FYB1: variants seen among roughly 807,000 people sequenced by gnomAD.
The protein encoded by FYB1 is FYN binding protein 1.
FYB1 carries 41 observed loss-of-function variants against 94.1 expected under a neutral mutation model. The ratio of observed to expected loss-of-function variants is 0.44; its 90% CI spans 0.34 to 0.57. The LOEUF (loss-of-function observed/expected upper bound fraction) is 0.57, where lower values mean the gene tolerates loss of function less well. Ranked by LOEUF, FYB1 falls within the 20% of genes least tolerant of loss-of-function variation. The pLI is 0.02. For synonymous variants in FYB1, 367 were observed against 353.2 expected (o/e 1.04, Z -0.44); for missense variants, 1,050 against 976.8 (o/e 1.07, Z -1.00).
rs10528848 is a variant in FYB1, at chr5:39,148,155, T to TTATATA, written c.1292+5287_1292+5292dup. Among the ~76,000 whole-genome samples the TTATATA allele has an allele frequency of 5.7e-3, 215 of 37,476 alleles. 2 individuals carry two copies. Among genetic ancestry groups the TTATATA allele is most frequent in the East Asian group, 6.6e-3 (4 of 604 alleles). 24.6% of individuals were successfully genotyped at this position (37,476 alleles called of 152,430 possible). The stretch of plus-strand genomic sequence containing the variant: ...ATTATATGTATATTATATGTATTTT[T>TTATATA]TATATATATATATATATATATATAT... On this transcript the variant is annotated intron_variant, in intron 3 of 18. Transcript: ENST00000512982.
intron 2 of FYB1, among the ~76,000 whole-genome samples, chr5:39,155,154 A>C (rs1743633623): frequency 1.3e-5 from 2 of 152,240 alleles, no homozygotes. Flanking sequence ...GGGTAATGCC[A>C]AGGTTTTACA....
At chr5:39,124,118 G>C in intron 13 of FYB1, 135 bp downstream of exon 13, 1 of 641,560 alleles carries the variant, frequency 1.6e-6, no homozygotes, top group Non-Finnish European at 2.7e-6. Context: ...CCAAGGTAAA[G>C]TTACTTGCTC....
At chr5:39,169,453 T>A in intron 2 of FYB1, 1 of 723,482 alleles carries the variant, frequency 1.4e-6, no homozygotes, top group Non-Finnish European at 2.6e-6. Flanking sequence ...CACAGAAGAG[T>A]GCCTTCACCA....
At chr5:39,194,390 G>A (rs1392107012) in intron 2 of FYB1, among the ~76,000 whole-genome samples, 1 of 152,050 alleles carries the variant, frequency 6.6e-6, no homozygotes, top group African/African-American at 2.4e-5. Context: ...GCTGGACGTG[G>A]TAATATGTGC....
intron 1 of FYB1, among the ~76,000 whole-genome samples, chr5:39,266,881 G>A (rs1398351851): frequency 2.0e-5 from 3 of 152,146 alleles, no homozygotes; most frequent in Non-Finnish European, 4.4e-5. Context: ...GCCTGAGAAT[G>A]GACCTGGCAC....
chr5:39,156,909 A>C (rs777188106), intron 2 of FYB1, among the ~76,000 whole-genome samples: 1 of 152,210 alleles, frequency 6.6e-6, no homozygotes, highest in Non-Finnish European at 1.5e-5. Flanking sequence ...ATATTGAACT[A>C]TAGTAAAATG....
At chr5:39,181,959 C>G (rs552507128) in intron 2 of FYB1, among the ~76,000 whole-genome samples, 1 of 152,106 alleles carries the variant, frequency 6.6e-6, no homozygotes, top group Non-Finnish European at 1.5e-5. Flanking sequence ...CTAACTAGAG[C>G]TGGATTGCTG....
chr5:39,149,697 TC>T (rs1402292227), intron 3 of FYB1, among the ~76,000 whole-genome samples: 4 of 152,120 alleles, frequency 2.6e-5, no homozygotes, highest in Admixed American at 2.6e-4. Context: ...TCCACAGTCC[TC>T]ACTTTTTGGC....
intron 12 of FYB1, 89 bp from the exon 13 acceptor site, chr5:39,124,367 A>G: frequency 1.3e-6 from 1 of 764,088 alleles, no homozygotes; most frequent in Non-Finnish European, 2.0e-6. Flanking sequence ...AAGGGGCAAT[A>G]GCCTAGAGGC....
intron 12 of FYB1, among the ~76,000 whole-genome samples, chr5:39,125,006 T>C (rs2150294443): frequency 6.7e-6 from 1 of 149,380 alleles, no homozygotes. Flanking sequence ...CAGAAATGAC[T>C]GGTTAGAATA....
chr5:39,118,846 A>T, intron 16 of FYB1, 28 bp downstream of exon 16: 12 of 1,364,638 alleles, frequency 8.8e-6, no homozygotes, highest in Non-Finnish European at 1.2e-5. Flanking sequence ...ATATATATGC[A>T]CATATTATAG....
At chr5:39,172,826 T>C (rs1404911553) in intron 2 of FYB1, among the ~76,000 whole-genome samples, 1 of 152,242 alleles carries the variant, frequency 6.6e-6, no homozygotes, top group African/African-American at 2.4e-5. Context: ...ATATATACCA[T>C]ATTTTCTTTA....
intron 2 of FYB1, among the ~76,000 whole-genome samples, chr5:39,187,561 T>C (rs1746949105): frequency 6.6e-6 from 1 of 152,186 alleles, no homozygotes; most frequent in African/African-American, 2.4e-5. Flanking sequence ...ATAATCAGTT[T>C]GGGAGCATAA....
intron 2 of FYB1, among the ~76,000 whole-genome samples, chr5:39,165,784 C>T (rs1218897205): frequency 6.6e-6 from 1 of 152,008 alleles, no homozygotes; most frequent in Non-Finnish European, 1.5e-5. Flanking sequence ...CTCACAACCC[C>T]CAAAATAATT....
intron 1 of FYB1, among the ~76,000 whole-genome samples, chr5:39,272,116 C>G (rs1752684047): frequency 6.6e-6 from 1 of 152,112 alleles, no homozygotes; most frequent in Admixed American, 6.5e-5. Context: ...TCTCAGCTCC[C>G]AGGCTTCACC....
chr5:39,176,241 C>T (rs563212631), intron 2 of FYB1, among the ~76,000 whole-genome samples: 3 of 144,826 alleles, frequency 2.1e-5, no homozygotes, highest in Non-Finnish European at 4.5e-5. Context: ...ACCCCCACCT[C>T]CTGGGTTCAA....
At chr5:39,194,590 A>T (rs1462616640) in intron 2 of FYB1, among the ~76,000 whole-genome samples, 1 of 152,106 alleles carries the variant, frequency 6.6e-6, no homozygotes, top group African/African-American at 2.4e-5. Context: ...AAGGGAGGAT[A>T]TCTTGCATTA....
Position 39,202,370 on chromosome 5 carries a change from G to C in FYB1, c.591C>G (p.Ala197=), listed in dbSNP as rs1396895632. 6.2e-7 allele frequency: 1 copy of C among 1,613,864 alleles called. No homozygotes were observed. Among genetic ancestry groups the C allele is most frequent in the Admixed American group, 1.7e-5 (1 of 60,012 alleles). The change falls in exon 2 of 19, where the codon GCC becomes GCG. Residue 197 remains alanine, a synonymous_variant. Transcript: ENST00000512982. ...LEPKPLFPKP[A]FGQKPPLSTE... ...TACTTAGGGGCGGCTTCTGGCCAAA[G>C]GCGGGTTTGGGGAAGAGGGGCTTGG...
intron 18 of FYB1, among the ~76,000 whole-genome samples, chr5:39,107,775 A>T (rs1158338771): frequency 6.6e-6 from 1 of 152,052 alleles, no homozygotes; most frequent in Non-Finnish European, 1.5e-5. Context: ...TTAAAGAGCA[A>T]GACTCATAAG....
Sources: allele counts gnomAD v4.1 joint callset (sites outside exome capture counted in the v4.1 genomes callset), GRCh38; gene constraint gnomAD v4.1.1; transcripts MANE v1.5; gene names NCBI Gene and HGNC (gene_info 2026-07-23, HGNC 2026-07-21).